The following UBE2Q2 variants were observed in gnomAD, a reference collection of about 807,000 sequenced individuals.
The protein encoded by UBE2Q2 is ubiquitin-conjugating enzyme E2 Q2.
UBE2Q2 carries 54 observed loss-of-function variants against 59.9 expected under a neutral mutation model. That is an observed-to-expected ratio of 0.90 (90% CI 0.72 to 1.13). UBE2Q2 has a LOEUF of 1.13. Among genes scored for constraint, UBE2Q2 ranks in the 50% most tolerant of loss-of-function variants. The pLI is 0.00. For missense variants in UBE2Q2, 433 were observed against 441.9 expected, an observed-to-expected ratio of 0.98 and a Z score of 0.18; for synonymous variants, 165 against 155.2, an observed-to-expected ratio of 1.06 and a Z score of -0.47.
intron 8 of UBE2Q2, among the ~76,000 whole-genome samples, chr15:75,882,156 T>G (rs527969743): frequency 2.0e-5 from 3 of 152,322 alleles, no homozygotes; most frequent in East Asian, 3.9e-4. Context: ...TTGTAACTAT[T>G]TAGAGCCATT....
intron 9 of UBE2Q2, among the ~76,000 whole-genome samples, chr15:75,884,249 C>G (rs545421953): frequency 2.0e-5 from 3 of 152,166 alleles, no homozygotes; most frequent in Non-Finnish European, 4.4e-5. Context: ...GTGACATAAT[C>G]TACATTATGG....
At chr15:75,865,980 G>C (rs1179820474) in intron 3 of UBE2Q2, among the ~76,000 whole-genome samples, 2 of 152,114 alleles carry the variant, frequency 1.3e-5, no homozygotes, top group African/African-American at 4.8e-5. Flanking sequence ...TCTTGATGGA[G>C]CTAGATATAG....
intron 6 of UBE2Q2, among the ~76,000 whole-genome samples, chr15:75,876,520 C>T (rs796174241): frequency 5.3e-5 from 8 of 152,236 alleles, no homozygotes; most frequent in African/African-American, 1.9e-4. Context: ...TCTTGATAAA[C>T]AGTGAACTCT....
chr15:75,854,618 G>GTT (rs144080974), intron 2 of UBE2Q2, 131 bp downstream of exon 2: 14 of 557,410 alleles, frequency 2.5e-5, no homozygotes, highest in African/African-American at 1.4e-4. Context: ...AGACTAGTTT[G>GTT]TTTGTTTTTT....
At chr15:75,860,960 G>A (rs972078817) in intron 3 of UBE2Q2, among the ~76,000 whole-genome samples, 7 of 152,222 alleles carry the variant, frequency 4.6e-5, no homozygotes, top group African/African-American at 7.2e-5. Context: ...ATACTGTCCA[G>A]TGTTTGGTTT....
At chr15:75,888,679 T>A (rs1898924554) in intron 9 of UBE2Q2, among the ~76,000 whole-genome samples, 1 of 152,222 alleles carries the variant, frequency 6.6e-6, no homozygotes, top group Non-Finnish European at 1.5e-5. Context: ...TAGGTGTCGA[T>A]GCTGCTGAAA....
chr15:75,873,676 T>G (rs568439288), intron 5 of UBE2Q2, 108 bp downstream of exon 5: 1 of 1,261,904 alleles, frequency 7.9e-7, no homozygotes, highest in Admixed American at 2.3e-5. Context: ...TTCCTCCATT[T>G]CTGCCTTAGT....
chr15:75,870,385 T>G (rs913276936), intron 4 of UBE2Q2, among the ~76,000 whole-genome samples: 6 of 152,190 alleles, frequency 3.9e-5, no homozygotes, highest in African/African-American at 1.4e-4. Flanking sequence ...TAGGCTTGTT[T>G]TATGAGTCTG....
Position 75,900,662 on chromosome 15 carries a change from T to C in UBE2Q2, c.*1204T>C, listed in dbSNP as rs1899705732. 6.5e-6 allele frequency: 1 copy of C among 152,678 alleles called. No homozygotes were observed. The highest frequency in any genetic ancestry group is 2.4e-5 in the African/African-American group (1 of 41,466). The allele number at this position is 152,678 out of a possible 1,614,324, so 9.5% of individuals were successfully genotyped here. On this transcript the variant is annotated 3_prime_UTR_variant, in exon 13 of 13. Transcript: ENST00000267938. The stretch of plus-strand genomic sequence containing the variant: ...AGCTTTGAGATTCAGTTTTTAACTT[T>C]GTAAACCACATCTGAGAGACTTGTC...
intron 3 of UBE2Q2, among the ~76,000 whole-genome samples, chr15:75,866,426 G>C (rs1477925548): frequency 6.6e-6 from 1 of 152,124 alleles, no homozygotes; most frequent in Admixed American, 6.5e-5. Flanking sequence ...TGATCCTCCT[G>C]CCTTGGCCTC....
At chr15:75,856,269 G>GTATATATATATA (rs60490503) in intron 2 of UBE2Q2, among the ~76,000 whole-genome samples, 11 of 139,278 alleles carry the variant, frequency 7.9e-5, no homozygotes, top group African/African-American at 2.2e-4. Context: ...GTGTGTGTGT[G>GTATATATATATA]TATATATATA....
At chr15:75,882,487 TGTA>T (rs1361476769) in intron 8 of UBE2Q2, among the ~76,000 whole-genome samples, 1 of 152,222 alleles carries the variant, frequency 6.6e-6, no homozygotes, top group Non-Finnish European at 1.5e-5. Context: ...GAAGAGGTTT[TGTA>T]GTCACTCATT....
chr15:75,892,947 CT>C (rs1162238420), intron 11 of UBE2Q2, among the ~76,000 whole-genome samples: 1 of 152,020 alleles, frequency 6.6e-6, no homozygotes, highest in Non-Finnish European at 1.5e-5. Context: ...AGATGATTAT[CT>C]CAAAAAAATA....
chr15:75,870,769 A>T (rs1595877314), intron 4 of UBE2Q2, among the ~76,000 whole-genome samples: 1 of 152,206 alleles, frequency 6.6e-6, no homozygotes, highest in South Asian at 2.1e-4. Context: ...GGTGGAAGTC[A>T]TGAAAAAACA....
At chr15:75,847,891 A>G (rs928053729) in intron 1 of UBE2Q2, among the ~76,000 whole-genome samples, 2 of 152,196 alleles carry the variant, frequency 1.3e-5, no homozygotes. Flanking sequence ...CTTTCTGCGT[A>G]TAAGTGGCTG....
intron 9 of UBE2Q2, among the ~76,000 whole-genome samples, chr15:75,887,403 G>A (rs891426905): frequency 2.0e-5 from 3 of 152,128 alleles, no homozygotes; most frequent in African/African-American, 7.2e-5. Context: ...TAGGTGAAAA[G>A]TAAACACAAT....
chr15:75,878,242 TAA>T, intron 7 of UBE2Q2: 1 of 517,388 alleles, frequency 1.9e-6, no homozygotes, highest in Non-Finnish European at 3.4e-6. Flanking sequence ...AGCTGCGGGA[TAA>T]AGTGTTTTAT....
intron 11 of UBE2Q2, among the ~76,000 whole-genome samples, chr15:75,891,587 C>G (rs1352160812): frequency 6.6e-6 from 1 of 151,386 alleles, no homozygotes; most frequent in Non-Finnish European, 1.5e-5. Flanking sequence ...CTGAAGCATA[C>G]AGAAGTTAGT....
At chr15:75,867,446 G>C (rs142411304) in intron 3 of UBE2Q2, among the ~76,000 whole-genome samples, 1 of 152,268 alleles carries the variant, frequency 6.6e-6, no homozygotes, top group East Asian at 1.9e-4. Flanking sequence ...TGTCCTTATA[G>C]TTTTAGTTCA....
Sources: gnomAD v4.1 joint callset for allele counts (sites outside exome capture counted in the v4.1 genomes callset) on GRCh38, gnomAD v4.1.1 for gene constraint, MANE v1.5 for transcripts, NCBI Gene and HGNC (gene_info 2026-07-23, HGNC 2026-07-21) for gene names.